RAB33B: variants seen among roughly 807,000 people sequenced by gnomAD.
RAB33B encodes RAB33B, member RAS oncogene family, also known as ras-related protein Rab-33B.
RAB33B carries 6 observed loss-of-function variants against 15.0 expected under a neutral mutation model. The observed-to-expected ratio is 0.40, with a 90% CI of 0.22 to 0.79. RAB33B has a LOEUF of 0.79. RAB33B is among the 30% of genes least tolerant of loss of function. The probability of loss-of-function intolerance (pLI) is 0.37; values close to 1 mark genes in which losing one functional copy is unlikely to be tolerated. For missense variants in RAB33B, 257 were observed against 296.4 expected, an observed-to-expected ratio of 0.87 and a Z score of 0.98; for synonymous variants, 117 against 108.3, an observed-to-expected ratio of 1.08 and a Z score of -0.50.
Position 139,472,288 on chromosome 4 carries a change from A to T in RAB33B, c.250-398A>T, listed in dbSNP as rs559229875. Among the ~76,000 whole-genome samples, 192 of 152,266 alleles carry T rather than the reference A, an allele frequency of 1.3e-3. 1 individual carries two copies. The highest frequency in any genetic ancestry group is 4.6e-3 in the African/African-American group (191 of 41,554). ...CATAACAACATCTTTCCTAGGTTTA[A>T]TATTTTAAATTAGACTAGTGAAAGG... On this transcript the variant is annotated intron_variant, in intron 1 of 1. Coordinates refer to ENST00000305626, the MANE Select transcript of RAB33B (RefSeq NM_031296.3).
At chr4:139,448,151 A>C in the RAB33B span, among the ~76,000 whole-genome samples, 1 of 152,198 alleles carries the variant, frequency 6.6e-6, no homozygotes, top group African/African-American at 2.4e-5. Flanking sequence ...GTTGAAGTCA[A>C]TGGGAAACTA....
Position 139,474,833 on chromosome 4 carries a change from A to T in RAB33B, c.*1707A>T, listed in dbSNP as rs907851175. ...GAAGTGTTCACATTCACTAATTTTGATAGATTGCTGTCCTTAATAATTTTG... is the reference window on the plus strand; with the variant it reads ...GAAGTGTTCACATTCACTAATTTTGTTAGATTGCTGTCCTTAATAATTTTG... On this transcript the variant is annotated 3_prime_UTR_variant, in exon 2 of 2. Coordinates refer to ENST00000305626, the MANE Select transcript of RAB33B (RefSeq NM_031296.3). 3 of 152,624 alleles carry T rather than the reference A, an allele frequency of 2.0e-5. No individual in the cohort carries two copies. The highest frequency in any genetic ancestry group is 7.2e-5 in the African/African-American group (3 of 41,458). The allele number at this position is 152,624 out of a possible 1,614,324, so 9.5% of individuals were successfully genotyped here.
chr4:139,446,349 T>C, the RAB33B span, among the ~76,000 whole-genome samples: 6 of 152,128 alleles, frequency 3.9e-5, no homozygotes, highest in Non-Finnish European at 7.4e-5. Context: ...TTCTAGGACA[T>C]CCCTGAAGGA....
At chr4:139,465,794 A>G (rs886877001) in intron 1 of RAB33B, among the ~76,000 whole-genome samples, 3 of 149,114 alleles carry the variant, frequency 2.0e-5, no homozygotes, top group African/African-American at 7.4e-5. Context: ...CAGTGGCACG[A>G]TTATGGCTCA....
chr4:139,446,298 G>C, the RAB33B span, among the ~76,000 whole-genome samples: 2 of 152,158 alleles, frequency 1.3e-5, no homozygotes, highest in African/African-American at 2.4e-5. Flanking sequence ...ACGATATGTA[G>C]GCACTACCCA....
intron 1 of RAB33B, among the ~76,000 whole-genome samples, chr4:139,469,183 C>A (rs1019273449): frequency 3.9e-5 from 6 of 152,156 alleles, no homozygotes; most frequent in Admixed American, 1.3e-4. Context: ...CTCTTTAAAG[C>A]CAGCAGCTCT....
intron 1 of RAB33B, among the ~76,000 whole-genome samples, chr4:139,469,541 G>T (rs1486958610): frequency 6.6e-6 from 1 of 152,134 alleles, no homozygotes; most frequent in African/African-American, 2.4e-5. Context: ...TTTCCTGGAT[G>T]GTGTTGATGC....
At chr4:139,470,351 G>A (rs1160079517) in intron 1 of RAB33B, among the ~76,000 whole-genome samples, 2 of 152,220 alleles carry the variant, frequency 1.3e-5, no homozygotes, top group Non-Finnish European at 2.9e-5. Context: ...GCCATGAGGA[G>A]TACTGCCAGA....
In RAB33B at chr4:139,470,090, A is replaced by G. The variant is rs1013215849; in HGVS notation, c.250-2596A>G. 1.4e-4 allele frequency among the ~76,000 whole-genome samples: 21 copies of G among 152,344 alleles called. 1 individual carries two copies. The highest frequency in any genetic ancestry group is 3.9e-4 in the Admixed American group (6 of 15,306). ...TTACTCAAGGCCCTAGGACTCTACA[A>G]TCAGCAGGTGGCAAAGCCAGCCAGG... On this transcript the variant is annotated intron_variant, in intron 1 of 1. Transcript: ENST00000305626.
chr4:139,470,458 C>T (rs1750367910), intron 1 of RAB33B, among the ~76,000 whole-genome samples: 1 of 152,216 alleles, frequency 6.6e-6, no homozygotes. Flanking sequence ...AGTGGGGTAC[C>T]CTCTGGCCCA....
chr4:139,449,597 A>T (rs1312464678), upstream of RAB33B: 1 of 152,164 alleles, frequency 6.6e-6, no homozygotes, highest in Non-Finnish European at 1.5e-5. Flanking sequence ...TTAGCCTCCC[A>T]GCCTACAGCT....
chr4:139,450,644 AAG>A (rs1175528003), upstream of RAB33B: 1 of 152,276 alleles, frequency 6.6e-6, no homozygotes, highest in Non-Finnish European at 1.5e-5. Flanking sequence ...TTCCACAACA[AAG>A]AATTATCTGA....
At chr4:139,460,940 TACGAAG>T (rs1750160441) in intron 1 of RAB33B, among the ~76,000 whole-genome samples, 1 of 152,212 alleles carries the variant, frequency 6.6e-6, no homozygotes, top group Non-Finnish European at 1.5e-5. Context: ...TGTCACTTCT[TACGAAG>T]ACGAAGAAGG....
chr4:139,459,660 G>A lies in RAB33B; in HGVS notation c.249+5216G>A, dbSNP rs1158553834. On this transcript the variant is annotated intron_variant, in intron 1 of 1. Coordinates refer to ENST00000305626, the MANE Select transcript of RAB33B (RefSeq NM_031296.3). ...TTTTTTTTTTTTCTTTTGAGACAAA[G>A]TCTTGCTCTGTTGCCCAGGCTGGAG... Among the ~76,000 whole-genome samples the A allele has an allele frequency of 2.1e-5, 3 of 145,862 alleles. No homozygotes were observed. In the Admixed American group the frequency reaches 2.1e-4, roughly 10 times the overall value.
chr4:139,466,995 G>A (rs1750301288), intron 1 of RAB33B, among the ~76,000 whole-genome samples: 1 of 129,022 alleles, frequency 7.8e-6, no homozygotes. Flanking sequence ...TTGAGGCAGG[G>A]TCTTGCTCTG....
chr4:139,446,824 C>T, the RAB33B span, among the ~76,000 whole-genome samples: 5 of 152,214 alleles, frequency 3.3e-5, no homozygotes, highest in Admixed American at 6.5e-5. Flanking sequence ...GACCTGGCTA[C>T]GGCCACTGCA....
chr4:139,467,765 G>A (rs993039758), intron 1 of RAB33B, among the ~76,000 whole-genome samples: 1 of 151,896 alleles, frequency 6.6e-6, no homozygotes, highest in Non-Finnish European at 1.5e-5. Flanking sequence ...GGCTGAGGCA[G>A]GAGGATTCCT....
chr4:139,446,240 G>A, the RAB33B span, among the ~76,000 whole-genome samples: 1 of 152,156 alleles, frequency 6.6e-6, no homozygotes, highest in African/African-American at 2.4e-5. Context: ...CCTATGATCA[G>A]CTGACAGAGG....
chr4:139,471,110 C>T (rs1750380923), intron 1 of RAB33B, among the ~76,000 whole-genome samples: 1 of 152,068 alleles, frequency 6.6e-6, no homozygotes, highest in East Asian at 1.9e-4. Context: ...GTTTAGCACT[C>T]GGAGTTGCCT....
Sources: allele counts gnomAD v4.1 joint callset (sites outside exome capture counted in the v4.1 genomes callset), GRCh38; gene constraint gnomAD v4.1.1; transcripts MANE v1.5; gene names NCBI Gene and HGNC (gene_info 2026-07-23, HGNC 2026-07-21).